The following RELCH variants were observed in gnomAD, a reference collection of about 807,000 sequenced individuals.
RELCH encodes the protein RAB11-binding protein RELCH.
Under a neutral mutation model 150.3 loss-of-function variants are expected in RELCH, and 41 were observed. The observed-to-expected ratio is 0.27, with a 90% confidence interval of 0.21 to 0.35. RELCH has a LOEUF of 0.35. Among genes scored for constraint, RELCH ranks in the 10% least tolerant of loss-of-function variants. The probability of loss-of-function intolerance (pLI) is 1.00; values close to 1 mark genes in which losing one functional copy is unlikely to be tolerated. For synonymous variants in RELCH, 478 were observed against 531.8 expected, an observed-to-expected ratio of 0.90 and a Z score of 1.39; for missense variants, 1,092 against 1,467.8, an observed-to-expected ratio of 0.74 and a Z score of 4.18.
At chr18:62,259,659 A>G (rs1016446840) in intron 15 of RELCH, among the ~76,000 whole-genome samples, 2 of 152,012 alleles carry the variant, frequency 1.3e-5, no homozygotes, top group South Asian at 2.1e-4. Flanking sequence ...TGGAACCACA[A>G]AAGACCCTGA....
chr18:62,214,520 G>A (rs573285743), intron 2 of RELCH, among the ~76,000 whole-genome samples: 3 of 152,296 alleles, frequency 2.0e-5, no homozygotes, highest in African/African-American at 4.8e-5. Context: ...GGTCGCAGAA[G>A]TGGTCCTACT....
intron 20 of RELCH, among the ~76,000 whole-genome samples, chr18:62,273,171 T>A (rs2044001822): frequency 6.6e-6 from 1 of 152,080 alleles, no homozygotes; most frequent in Middle Eastern, 3.2e-3. Flanking sequence ...TGACAGACTA[T>A]CAGATTCCCT....
chr18:62,242,347 T>C (rs892213295), intron 10 of RELCH, among the ~76,000 whole-genome samples: 1 of 152,228 alleles, frequency 6.6e-6, no homozygotes, highest in African/African-American at 2.4e-5. Flanking sequence ...AGACAAGGAC[T>C]CACAAATACT....
intron 11 of RELCH, chr18:62,246,644 T>A (rs1318281020): frequency 1.3e-5 from 2 of 152,242 alleles, no homozygotes; most frequent in Non-Finnish European, 2.9e-5. Flanking sequence ...AAGGCCCTTG[T>A]AGTTTTCACT....
chr18:62,280,188 G>A, intron 23 of RELCH: 1 of 608,782 alleles, frequency 1.6e-6, no homozygotes, highest in Non-Finnish European at 2.9e-6. Flanking sequence ...CTAACAGGTT[G>A]TTACCAGTAA....
intron 1 of RELCH, among the ~76,000 whole-genome samples, chr18:62,207,892 A>C (rs1045699904): frequency 6.6e-6 from 1 of 152,234 alleles, no homozygotes; most frequent in African/African-American, 2.4e-5. Context: ...TGGACATTTT[A>C]TATGAATGGT....
chr18:62,280,770 T>G, intron 24 of RELCH, 61 bp downstream of exon 24: 1 of 1,136,668 alleles, frequency 8.8e-7, no homozygotes, highest in Non-Finnish European at 1.3e-6. Context: ...GATACATGTA[T>G]CTGGTGGTAG....
chr18:62,286,946 T>C (rs1016545479), intron 25 of RELCH, among the ~76,000 whole-genome samples: 5 of 152,164 alleles, frequency 3.3e-5, no homozygotes, highest in African/African-American at 4.8e-5. Flanking sequence ...AAGAATATAC[T>C]CTTTTGATTT....
At chr18:62,203,832 TTAGTCAGCAA>T (rs2039605813) in intron 1 of RELCH, among the ~76,000 whole-genome samples, 10 of 152,026 alleles carry the variant, frequency 6.6e-5, no homozygotes, top group Admixed American at 6.5e-4. Flanking sequence ...AATTAAAAAG[TTAGTCAGCAA>T]TGGTGGCACA....
chr18:62,275,551 A>G, intron 22 of RELCH, 78 bp downstream of exon 22: 1 of 854,280 alleles, frequency 1.2e-6, no homozygotes, highest in Non-Finnish European at 2.0e-6. Flanking sequence ...AATTTTTTTT[A>G]ATAAAAAGGC....
chr18:62,300,113 A>G (rs1035001586), intron 28 of RELCH: 2 of 152,074 alleles, frequency 1.3e-5, no homozygotes, highest in Admixed American at 6.6e-5. Context: ...TCTCCATACA[A>G]TTTACTTATT....
chr18:62,310,029 A>G lies in RELCH; in HGVS notation c.*4495A>G, dbSNP rs879802794. On this transcript the variant is annotated 3_prime_UTR_variant, in exon 29 of 29. Transcript: ENST00000644646. ...GATATTTTCAGGACATGCATCTTCA[A>G]TGAAGCTGGAAATGTTACAGATAAT... 25 of 152,222 alleles carry G rather than the reference A, an allele frequency of 1.6e-4. No individual in the cohort carries two copies. Among genetic ancestry groups the G allele is most frequent in the Non-Finnish European group, 2.9e-4 (20 of 68,038 alleles). 9.4% of individuals were successfully genotyped at this position (152,222 alleles called of 1,614,324 possible). A position where few individuals can be genotyped will look rare whatever the true frequency, so the allele number is the denominator to read the frequency against.
chr18:62,237,933 AG>A (rs1034143042), intron 10 of RELCH, among the ~76,000 whole-genome samples: 2 of 151,808 alleles, frequency 1.3e-5, no homozygotes, highest in African/African-American at 4.8e-5. Context: ...AACAAGAAAA[AG>A]AAAAAAGTAA....
intron 10 of RELCH, among the ~76,000 whole-genome samples, chr18:62,233,885 C>T (rs1404704527): frequency 6.6e-6 from 1 of 151,800 alleles, no homozygotes; most frequent in Non-Finnish European, 1.5e-5. Flanking sequence ...TATAAATTTG[C>T]ATCATCAGTA....
intron 1 of RELCH, among the ~76,000 whole-genome samples, chr18:62,195,222 A>G (rs1341634029): frequency 6.6e-6 from 1 of 152,138 alleles, no homozygotes; most frequent in Non-Finnish European, 1.5e-5. Context: ...CTAAATTTAC[A>G]TGATGAACCA....
intron 27 of RELCH, among the ~76,000 whole-genome samples, chr18:62,293,170 A>C (rs1219513165): frequency 6.6e-6 from 1 of 152,230 alleles, no homozygotes; most frequent in African/African-American, 2.4e-5. Context: ...TTCATAATGC[A>C]AAGTGTAGAA....
At chr18:62,217,111 T>C (rs1341527379) in intron 2 of RELCH, among the ~76,000 whole-genome samples, 1 of 152,022 alleles carries the variant, frequency 6.6e-6, no homozygotes, top group African/African-American at 2.4e-5. Context: ...TTATATTTAA[T>C]CTAAAAATAA....
intron 2 of RELCH, among the ~76,000 whole-genome samples, chr18:62,212,194 C>G (rs1396747633): frequency 6.6e-6 from 1 of 152,190 alleles, no homozygotes; most frequent in Non-Finnish European, 1.5e-5. Context: ...TGGAATTCAC[C>G]CCGTTAGCAG....
chr18:62,232,583 G>T (rs1481050441), intron 10 of RELCH, among the ~76,000 whole-genome samples, 156 bp downstream of exon 10: 5 of 151,980 alleles, frequency 3.3e-5, no homozygotes, highest in Non-Finnish European at 7.4e-5. Flanking sequence ...CTAGAGAATG[G>T]TTTTACACCT....
Sources: allele counts gnomAD v4.1 joint callset (sites outside exome capture counted in the v4.1 genomes callset), GRCh38; gene constraint gnomAD v4.1.1; transcripts MANE v1.5; gene names NCBI Gene and HGNC (gene_info 2026-07-23, HGNC 2026-07-21).